The following NKAIN1 variants were observed in gnomAD, a reference collection of about 807,000 sequenced individuals.
The protein encoded by NKAIN1 is sodium/potassium-transporting ATPase subunit beta-1-interacting protein 1.
NKAIN1 carries 13 observed loss-of-function variants against 31.6 expected under a neutral mutation model. That is an observed-to-expected ratio of 0.41 (90% CI 0.27 to 0.65). The LOEUF is 0.65. NKAIN1 is among the 30% of genes least tolerant of loss of function. The pLI, the probability that NKAIN1 is intolerant of heterozygous loss-of-function variation, is 0.30. For synonymous variants in NKAIN1, 104 were observed against 109.0 expected (o/e 0.95, Z 0.28); for missense variants, 193 against 262.2 (o/e 0.74, Z 1.82).
At chr1:31,216,866 G>T (rs1274716464) in intron 1 of NKAIN1, among the ~76,000 whole-genome samples, 4 of 151,854 alleles carry the variant, frequency 2.6e-5, no homozygotes, top group Non-Finnish European at 5.9e-5. Context: ...GCTAATTTTT[G>T]TATTTTTGTG....
At chr1:31,188,526 G>A (rs996336851) in intron 1 of NKAIN1, 1 of 230,130 alleles carries the variant, frequency 4.3e-6, no homozygotes, top group Non-Finnish European at 8.6e-6. Flanking sequence ...TGGAGGGCAA[G>A]GAAGTCCTGG....
rs80197574 is a variant in NKAIN1, at chr1:31,189,811, A to G, written c.55-1624T>C. On this transcript the variant is annotated intron_variant, in intron 1 of 6. Coordinates refer to ENST00000373736, the MANE Select transcript of NKAIN1 (RefSeq NM_024522.3). ...ACCCTAGATATTTGCTGGAACAATCAGAACAGAGCTGCTATCCTGCCAGGA... is the reference window on the plus strand; with the variant it reads ...ACCCTAGATATTTGCTGGAACAATCGGAACAGAGCTGCTATCCTGCCAGGA... Among the ~76,000 whole-genome samples, 617 of 152,342 alleles carry G rather than the reference A, an allele frequency of 4.1e-3. 37 individuals are homozygous for G. The East Asian group carries it at 0.099, about 24-fold the overall frequency.
intron 1 of NKAIN1, among the ~76,000 whole-genome samples, chr1:31,232,694 A>C (rs1645664126): frequency 6.6e-6 from 1 of 151,812 alleles, no homozygotes; most frequent in African/African-American, 2.4e-5. Flanking sequence ...TACCACATAG[A>C]ATAAAAAAAT....
intron 2 of NKAIN1, among the ~76,000 whole-genome samples, chr1:31,187,773 C>T (rs534864442): frequency 3.3e-5 from 5 of 152,062 alleles, no homozygotes; most frequent in South Asian, 2.1e-4. Context: ...TGTGAAATTT[C>T]GCAGCGTGCC....
rs755293960 is a variant in NKAIN1, at chr1:31,183,920, G to C, written c.368C>G (p.Ser123Cys). 2.9e-5 allele frequency: 46 copies of C among 1,614,024 alleles called. No individual in the cohort carries two copies. The highest frequency in any genetic ancestry group is 5.9e-6 in the Non-Finnish European group (7 of 1,180,038). Reference sequence around the variant, plus strand: ...ATGGTGGTCCTCCAGAGCCAGGCGGGAGTTCAGAACAGGTGTCACCAGGCA... The same window carrying C: ...ATGGTGGTCCTCCAGAGCCAGGCGGCAGTTCAGAACAGGTGTCACCAGGCA... ...PGCLVTPVLN[S>C]RLALEDHHVI... The change falls in exon 4 of 7, where the codon TCC becomes TGC. Residue 123 changes from serine (S) to cysteine (C), a missense_variant. Physicochemically the swap from Ser to Cys is moderately radical, Grantham distance 112. Coordinates refer to ENST00000373736, the MANE Select transcript of NKAIN1 (RefSeq NM_024522.3).
chr1:31,191,231 C>T (rs1241032124), intron 1 of NKAIN1, among the ~76,000 whole-genome samples: 1 of 150,732 alleles, frequency 6.6e-6, no homozygotes, highest in African/African-American at 2.4e-5. Context: ...GCAGAGGCTG[C>T]AGTGAGCCAA....
chr1:31,203,070 C>T (rs1363713882), intron 1 of NKAIN1, among the ~76,000 whole-genome samples: 3 of 146,564 alleles, frequency 2.0e-5, no homozygotes, highest in African/African-American at 5.1e-5. Context: ...GTCAGGAGTT[C>T]GAGACCAGCC....
rs1645649900 is a variant in NKAIN1 at position 31,231,686 on chromosome 1, A to T, written c.54+7808T>A. ...GCTGGAACTACAGGCGCCCGCCACCACGCCCGGCTAATTTTTTGTATTTTT... is the reference window on the plus strand; with the variant it reads ...GCTGGAACTACAGGCGCCCGCCACCTCGCCCGGCTAATTTTTTGTATTTTT... On this transcript the variant is annotated intron_variant, in intron 1 of 6. Transcript: ENST00000373736. Among the ~76,000 whole-genome samples, 3 of 83,614 alleles carry T rather than the reference A, an allele frequency of 3.6e-5. No individual in the cohort carries two copies. The Admixed American group carries it at 4.1e-4, about 12-fold the overall frequency. 54.9% of individuals were successfully genotyped at this position (83,614 alleles called of 152,430 possible). A position where few individuals can be genotyped will look rare whatever the true frequency, so the allele number is the denominator to read the frequency against.
intron 1 of NKAIN1, among the ~76,000 whole-genome samples, chr1:31,216,197 AG>A (rs1209690674): frequency 3.3e-5 from 5 of 151,928 alleles, no homozygotes; most frequent in African/African-American, 1.2e-4. Flanking sequence ...CCTGGGCCAG[AG>A]GCGGCTGGTT....
intron 1 of NKAIN1, among the ~76,000 whole-genome samples, chr1:31,230,225 C>T (rs1362000193): frequency 2.6e-5 from 4 of 152,144 alleles, no homozygotes; most frequent in African/African-American, 9.7e-5. Context: ...TGAGCTCCCA[C>T]TCCACACGTT....
chr1:31,212,613 C>T (rs1483956860), intron 1 of NKAIN1, among the ~76,000 whole-genome samples: 1 of 152,068 alleles, frequency 6.6e-6, no homozygotes, highest in Non-Finnish European at 1.5e-5. Flanking sequence ...CCATGTTGCC[C>T]ACACTGGTCT....
intron 1 of NKAIN1, among the ~76,000 whole-genome samples, chr1:31,189,652 G>T (rs1645270962): frequency 1.3e-5 from 2 of 152,178 alleles, no homozygotes; most frequent in Admixed American, 1.3e-4. Flanking sequence ...CTACCACTCT[G>T]TCCACATGGC....
chr1:31,227,825 G>A (rs1458402312), intron 1 of NKAIN1, among the ~76,000 whole-genome samples: 4 of 152,174 alleles, frequency 2.6e-5, no homozygotes, highest in African/African-American at 9.7e-5. Context: ...CTCTAGGGGT[G>A]AGAGGTGGCT....
chr1:31,193,804 T>C (rs1440504284), intron 1 of NKAIN1: 1 of 152,128 alleles, frequency 6.6e-6, no homozygotes, highest in Non-Finnish European at 1.5e-5. Flanking sequence ...ATAAGAGGAA[T>C]ACCTTTCCCA....
chr1:31,224,721 A>C (rs1188864475), intron 1 of NKAIN1, among the ~76,000 whole-genome samples: 1 of 152,230 alleles, frequency 6.6e-6, no homozygotes, highest in Non-Finnish European at 1.5e-5. Context: ...CAGAGAAGGC[A>C]CCTGGATCCA....
intron 1 of NKAIN1, among the ~76,000 whole-genome samples, chr1:31,218,076 T>TTCTTTCTCTTTCTTTCTTTCTTTCTTTC (rs1645532297): frequency 1.6e-5 from 1 of 61,054 alleles, no homozygotes; most frequent in African/African-American, 4.6e-5. Context: ...TTCTTTTTTT[T>TTCTTTCTCTTTCTTTCTTTCTTTCTTTC]TTTTGAGATG....
chr1:31,185,150 G>C (rs1645232881), intron 3 of NKAIN1, 97 bp downstream of exon 3: 2 of 927,302 alleles, frequency 2.2e-6, no homozygotes, highest in Non-Finnish European at 3.4e-6. Context: ...AGACTTCTTC[G>C]AGACATGATG....
intron 2 of NKAIN1, 90 bp from the exon 3 acceptor site, chr1:31,185,417 C>T (rs1411365145): frequency 9.8e-7 from 1 of 1,020,706 alleles, no homozygotes; most frequent in Non-Finnish European, 1.5e-6. Context: ...ATGAGGAGAT[C>T]TGGGCAGGGG....
chr1:31,188,083 G>A lies in NKAIN1; in HGVS notation c.159C>T (p.Gly53=), dbSNP rs1176650333. 3 of 1,553,852 alleles carry A rather than the reference G, an allele frequency of 1.9e-6. No individual in the cohort carries two copies. The highest frequency in any genetic ancestry group is 2.6e-6 in the Non-Finnish European group (3 of 1,148,250). ...GGTACCGGGAGCGGTACTGCACGGT[G>A]CCAAAGATGCCCAGGATGACTGCCA... ...HIMAVILGIF[G]TVQYRSRYLI... Residue 53 remains glycine (G), a synonymous_variant, in exon 2 of 7, where the codon GGC becomes GGT. Coordinates refer to ENST00000373736, the MANE Select transcript of NKAIN1 (RefSeq NM_024522.3).
Sources: gnomAD v4.1 joint callset for allele counts (sites outside exome capture counted in the v4.1 genomes callset) on GRCh38, gnomAD v4.1.1 for gene constraint, MANE v1.5 for transcripts, NCBI Gene and HGNC (gene_info 2026-07-23, HGNC 2026-07-21) for gene names.